LHFPL4: variants seen among roughly 807,000 people sequenced by gnomAD.
The protein encoded by LHFPL4 is LHFPL tetraspan subfamily member 4, also known as LHFPL tetraspan subfamily member 4 protein.
In LHFPL4, 6 loss-of-function variants were observed where a neutral mutation model predicts 20.0. The ratio of observed to expected loss-of-function variants is 0.30; its 90% CI spans 0.16 to 0.59. The LOEUF (loss-of-function observed/expected upper bound fraction) is 0.59, where lower values mean the gene tolerates loss of function less well. Ranked by LOEUF, LHFPL4 falls within the 20% of genes least tolerant of loss-of-function variation. The probability of loss-of-function intolerance (pLI) is 0.88; values close to 1 mark genes in which losing one functional copy is unlikely to be tolerated. For synonymous variants in LHFPL4, 129 were observed against 143.8 expected (o/e 0.90, Z 0.74); for missense variants, 215 against 331.2 (o/e 0.65, Z 2.72).
intron 3 of LHFPL4, 72 bp downstream of exon 3, chr3:9,505,895 A>G (rs1344721419): frequency 4.3e-6 from 6 of 1,401,256 alleles, no homozygotes; most frequent in Non-Finnish European, 6.0e-6. Flanking sequence ...TACTCCTTTT[A>G]TTTGAAATTA....
intron 2 of LHFPL4, among the ~76,000 whole-genome samples, chr3:9,517,936 A>T (rs1425051757): frequency 6.6e-6 from 1 of 151,040 alleles, no homozygotes. Context: ...TTCTTATTGC[A>T]TTAAGGACTT....
At chr3:9,512,078 G>T (rs1239510611) in intron 2 of LHFPL4, among the ~76,000 whole-genome samples, 1 of 152,058 alleles carries the variant, frequency 6.6e-6, no homozygotes, top group East Asian at 1.9e-4. Flanking sequence ...GACTACAGGC[G>T]CCCGCCACCA....
chr3:9,546,571 A>C (rs75491500), intron 2 of LHFPL4, among the ~76,000 whole-genome samples: 2,845 of 152,288 alleles, frequency 0.019, 96 homozygotes, highest in African/African-American at 0.065. Flanking sequence ...GTCTGGGTAC[A>C]AGTCTCACTC....
intron 2 of LHFPL4, among the ~76,000 whole-genome samples, chr3:9,544,791 C>A (rs1385216290): frequency 1.3e-5 from 2 of 152,166 alleles, no homozygotes; most frequent in African/African-American, 4.8e-5. Flanking sequence ...CACCTCCATG[C>A]CTGTGATCAT....
intron 2 of LHFPL4, among the ~76,000 whole-genome samples, chr3:9,529,186 A>G (rs371264096): frequency 1.3e-5 from 2 of 151,266 alleles, no homozygotes; most frequent in South Asian, 2.1e-4. Flanking sequence ...GTGCCACCAC[A>G]CCCAGCTAAT....
intron 2 of LHFPL4, among the ~76,000 whole-genome samples, chr3:9,522,781 C>A (rs1255313732): frequency 1.3e-5 from 2 of 151,338 alleles, no homozygotes; most frequent in Non-Finnish European, 2.9e-5. Flanking sequence ...GTGGCTCACC[C>A]CTGTAATCCC....
At position 9,552,419 on chromosome 3, in the gene LHFPL4, G is replaced by C. The variant is rs969216480; in HGVS notation, c.261C>G (p.Ile87Met). ...CRGSFTDFST[I>M]PSSAFKAAAF... ...CGGCCGCCTTGAAGGCGCTGGACGG[G>C]ATGGTGCTGAAGTCGGTGAAGGAGC... is the stretch of plus-strand genomic sequence containing the variant. Residue 87 changes from isoleucine to methionine, a missense_variant, in exon 2 of 4, where the codon ATC (isoleucine) becomes ATG (methionine). Transcript: ENST00000287585. 1 of 1,613,840 alleles carries C rather than the reference G, an allele frequency of 6.2e-7. No homozygotes were observed. The highest frequency in any genetic ancestry group is 8.5e-7 in the Non-Finnish European group (1 of 1,179,994).
chr3:9,548,368 G>C (rs1405379490), intron 2 of LHFPL4, among the ~76,000 whole-genome samples: 1 of 152,098 alleles, frequency 6.6e-6, no homozygotes. Flanking sequence ...GAAATTCTTT[G>C]ACCCAGCATA....
At chr3:9,551,189 G>A (rs2046550931) in intron 2 of LHFPL4, 1 of 152,142 alleles carries the variant, frequency 6.6e-6, no homozygotes, top group East Asian at 1.9e-4. Flanking sequence ...TCCTCCAGGG[G>A]GTCTCTTTTG....
chr3:9,536,049 C>G (rs2046442299), intron 2 of LHFPL4, among the ~76,000 whole-genome samples: 1 of 152,148 alleles, frequency 6.6e-6, no homozygotes, highest in African/African-American at 2.4e-5. Context: ...GATCTGCCCA[C>G]CTCACCCAAA....
rs1421114928 is a variant in LHFPL4, at chr3:9,528,846, C to A, written c.407-22643G>T. Among the ~76,000 whole-genome samples the A allele has an allele frequency of 2.0e-5, 3 of 151,610 alleles. No homozygotes were observed. The East Asian group carries it at 5.8e-4, about 30-fold the overall frequency. ...GCCAGGCTCGTCTTGAACTCCTGAC[C>A]TCAGGTGATCTGCTCACCTTGACCT... On this transcript the variant is annotated intron_variant, in intron 2 of 3. Coordinates refer to ENST00000287585, the MANE Select transcript of LHFPL4 (RefSeq NM_198560.3).
intron 2 of LHFPL4, among the ~76,000 whole-genome samples, chr3:9,534,940 AAG>A (rs533812464): frequency 5.9e-5 from 9 of 152,168 alleles, no homozygotes; most frequent in Non-Finnish European, 1.3e-4. Context: ...TTATAAAAGA[AAG>A]AGGGAGGGGA....
At chr3:9,522,610 G>A (rs911782687) in intron 2 of LHFPL4, among the ~76,000 whole-genome samples, 11 of 149,264 alleles carry the variant, frequency 7.4e-5, no homozygotes, top group South Asian at 2.1e-4. Flanking sequence ...GCATGGTGGC[G>A]CGCGCCTGTA....
chr3:9,514,270 C>CA (rs1389673424), intron 2 of LHFPL4, among the ~76,000 whole-genome samples: 1 of 151,850 alleles, frequency 6.6e-6, no homozygotes, highest in Non-Finnish European at 1.5e-5. Flanking sequence ...CTTGTTTCCA[C>CA]AAAAAAATTA....
At chr3:9,541,982 C>T (rs1347048710) in intron 2 of LHFPL4, among the ~76,000 whole-genome samples, 2 of 152,098 alleles carry the variant, frequency 1.3e-5, no homozygotes, top group Non-Finnish European at 2.9e-5. Flanking sequence ...AGGCATGTGT[C>T]TACCTAGAAA....
chr3:9,553,234 T>G (rs1574859355), intron 1 of LHFPL4, among the ~76,000 whole-genome samples: 1 of 125,040 alleles, frequency 8.0e-6, no homozygotes, highest in Non-Finnish European at 1.7e-5. Context: ...GCTTCTAGGA[T>G]GGGGGAAGAG....
intron 2 of LHFPL4, among the ~76,000 whole-genome samples, chr3:9,529,348 T>G (rs2125662396): frequency 6.6e-6 from 1 of 152,306 alleles, no homozygotes; most frequent in Non-Finnish European, 1.5e-5. Context: ...ATGTTCTTAA[T>G]GGCATATCTA....
At chr3:9,511,133 C>T (rs151329340) in intron 2 of LHFPL4, among the ~76,000 whole-genome samples, 166 of 151,132 alleles carry the variant, frequency 1.1e-3, no homozygotes, top group Non-Finnish European at 1.7e-3. Context: ...AGGTGGATCA[C>T]GAGGTCAGGA....
chr3:9,523,450 CTTTATTTATTTATTTATTTA>C (rs199544534), intron 2 of LHFPL4, among the ~76,000 whole-genome samples: 6 of 147,984 alleles, frequency 4.1e-5, no homozygotes, highest in Admixed American at 3.4e-4. Flanking sequence ...GAGACAGAGT[CTTTATTTATTTATTTATTTA>C]TTTATTTATT....
Sources: gnomAD v4.1 joint callset for allele counts (sites outside exome capture counted in the v4.1 genomes callset) on GRCh38, gnomAD v4.1.1 for gene constraint, MANE v1.5 for transcripts, NCBI Gene and HGNC (gene_info 2026-07-23, HGNC 2026-07-21) for gene names.